Variants in PDE10A observed in about 807,000 individuals in gnomAD.
PDE10A encodes phosphodiesterase 10A.
PDE10A carries 39 observed loss-of-function variants against 97.7 expected under a neutral mutation model. The ratio of observed to expected loss-of-function variants is 0.40; its 90% confidence interval spans 0.31 to 0.52. PDE10A has a LOEUF of 0.52. Ranked by LOEUF, PDE10A falls within the 20% of genes least tolerant of loss-of-function variation. The pLI is 0.56. For missense variants in PDE10A, 731 were observed against 1,047.8 expected (o/e 0.70, Z 4.17); for synonymous variants, 371 against 376.8 (o/e 0.98, Z 0.18).
At chr6:165,409,069 G>C (rs1240789577) in intron 13 of PDE10A, among the ~76,000 whole-genome samples, 3 of 150,004 alleles carry the variant, frequency 2.0e-5, no homozygotes, top group Non-Finnish European at 4.4e-5. Context: ...GGAGGCTGAG[G>C]CAGGAGAATG....
intron 2 of PDE10A, among the ~76,000 whole-genome samples, chr6:165,542,839 C>G (rs980214448): frequency 6.6e-6 from 1 of 151,752 alleles, no homozygotes; most frequent in Admixed American, 6.6e-5. Context: ...AGGATGGTCT[C>G]GATCTCCTGA....
intron 1 of PDE10A, among the ~76,000 whole-genome samples, chr6:165,944,030 A>G (rs746162257): frequency 9.2e-5 from 14 of 152,256 alleles, no homozygotes; most frequent in Non-Finnish European, 1.3e-4. Context: ...ACAGTTCTGC[A>G]TGGTTGAGGA....
At chr6:165,929,245 G>T (rs1236172607) in intron 1 of PDE10A, among the ~76,000 whole-genome samples, 1 of 152,184 alleles carries the variant, frequency 6.6e-6, no homozygotes, top group African/African-American at 2.4e-5. Context: ...TGTAAAGCAC[G>T]CAGGAGTCCT....
At chr6:165,974,987 C>T (rs538833631) in intron 1 of PDE10A, among the ~76,000 whole-genome samples, 15 of 152,276 alleles carry the variant, frequency 9.9e-5, no homozygotes, top group African/African-American at 3.4e-4. Flanking sequence ...TCTTTCCTGG[C>T]TGCGCAGGGA....
chr6:165,671,212 T>C lies in PDE10A; in HGVS notation c.-614-127644A>G, dbSNP rs964796523. Among the ~76,000 whole-genome samples, 5 of 152,214 alleles carry C rather than the reference T, an allele frequency of 3.3e-5. No individual in the cohort carries two copies. Among genetic ancestry groups the C allele is most frequent in the Non-Finnish European group, 7.3e-5 (5 of 68,040 alleles). ...CAAAGTCTACTTGTTTTTGTAAATG[T>C]CATCTGGTGATAGGCTAGAGTGAAA... On this transcript the variant is annotated intron_variant, in intron 1 of 19. Coordinates refer to the PDE10A transcript ENST00000366882. This position sits in a 1 kb window ranked among gnomAD's most constrained non-coding sequence, Gnocchi z 4.6.
chr6:165,899,150 G>A (rs1166154597), intron 1 of PDE10A, among the ~76,000 whole-genome samples: 2 of 152,186 alleles, frequency 1.3e-5, no homozygotes, highest in African/African-American at 2.4e-5. Context: ...TTTGTGGTAC[G>A]AATGCAAGCA....
At chr6:165,585,897 C>G (rs982012389) in intron 1 of PDE10A, among the ~76,000 whole-genome samples, 10 of 152,166 alleles carry the variant, frequency 6.6e-5, no homozygotes, top group Non-Finnish European at 1.3e-4. Context: ...CAACATCCCC[C>G]CCTTGCGCTA....
At chr6:165,678,151 GTCTC>G (rs1421164779) in intron 1 of PDE10A, among the ~76,000 whole-genome samples, 4 of 3,856 alleles carry the variant, frequency 1.0e-3, no homozygotes, top group Admixed American at 4.2e-3. Context: ...GTATGTGTGT[GTCTC>G]TCTGTGTGTA....
At chr6:165,633,822 G>A (rs1313129149) in intron 1 of PDE10A, among the ~76,000 whole-genome samples, 1 of 150,988 alleles carries the variant, frequency 6.6e-6, no homozygotes, top group African/African-American at 2.4e-5. Context: ...TTTTTATAGA[G>A]ATGAGGTTTC....
chr6:165,582,757 T>C (rs936076072), intron 1 of PDE10A, among the ~76,000 whole-genome samples: 12 of 152,170 alleles, frequency 7.9e-5, no homozygotes, highest in Admixed American at 6.5e-5. Context: ...GATGACTCTC[T>C]ATTTACGAAC....
intron 1 of PDE10A, among the ~76,000 whole-genome samples, chr6:165,594,288 A>T (rs1485238234): frequency 6.6e-6 from 1 of 152,230 alleles, no homozygotes; most frequent in Non-Finnish European, 1.5e-5. Context: ...CAAGAGAGCA[A>T]GTGTTTCTGA....
chr6:165,977,716 A>T (rs1294004515), intron 1 of PDE10A, among the ~76,000 whole-genome samples: 1 of 152,246 alleles, frequency 6.6e-6, no homozygotes, highest in African/African-American at 2.4e-5. Flanking sequence ...TAAACAAATT[A>T]TTAAAATAAA....
At chr6:165,518,396 G>A (rs933596218) in intron 2 of PDE10A, among the ~76,000 whole-genome samples, 1 of 152,138 alleles carries the variant, frequency 6.6e-6, no homozygotes, top group African/African-American at 2.4e-5. Context: ...ATTCCGAGTA[G>A]TTATGATGAA....
intron 15 of PDE10A, among the ~76,000 whole-genome samples, chr6:165,394,060 TTTATTA>T (rs71026685): frequency 0.24 from 35,486 of 150,788 alleles, 4,642 homozygotes; most frequent in African/African-American, 0.35. Flanking sequence ...GTTCTAAACA[TTTATTA>T]TTATTATTAT....
chr6:165,961,258 T>A (rs1434005577), intron 1 of PDE10A, among the ~76,000 whole-genome samples: 1 of 152,166 alleles, frequency 6.6e-6, no homozygotes, highest in African/African-American at 2.4e-5. Context: ...TGTCACTACA[T>A]AGCATGATGG....
intron 1 of PDE10A, among the ~76,000 whole-genome samples, chr6:165,749,289 A>ATCTATGACCTATTT (rs1792925165): frequency 1.6e-5 from 1 of 63,802 alleles, no homozygotes; most frequent in Admixed American, 1.5e-4. Context: ...TACCATCATC[A>ATCTATGACCTATTT]CCATCACCAT....
intron 1 of PDE10A, among the ~76,000 whole-genome samples, chr6:165,847,529 C>T (rs893032503): frequency 2.6e-5 from 4 of 152,264 alleles, no homozygotes; most frequent in Non-Finnish European, 2.9e-5. Flanking sequence ...AAGCATGTAC[C>T]GAACATGCAG....
At position 165,961,068 on chromosome 6, in the gene PDE10A, C is replaced by T. The variant is rs143347491; in HGVS notation, c.-615+26461G>A. On this transcript the variant is annotated intron_variant, in intron 1 of 19. Transcript: ENST00000366882. ...GCCAGGAGCATAGGGTCACTGACCC[C>T]CTCTCAGCCTGTCGATCTCCAGTCC... Among the ~76,000 whole-genome samples the T allele has an allele frequency of 1.5e-3, 231 of 152,180 alleles. 1 individual carries two copies. Among genetic ancestry groups the T allele is most frequent in the African/African-American group, 5.2e-3 (215 of 41,516 alleles).
At position 165,662,368 on chromosome 6, in the gene PDE10A, T is replaced by C. The variant is rs558806804; in HGVS notation, c.444A>G (p.Ala148=). The change falls in exon 1 of 22, where the codon GCA becomes GCG. Residue 148 remains alanine (A), a synonymous_variant. Coordinates refer to ENST00000539869, the MANE Select transcript of PDE10A (RefSeq NM_001385079.1). ...LPVRLPGREG[A]AAAAAAGGGG... ...CTCCTCCCGCCGCCGCCGCCGCCGC[T>C]GCGCCCTCCCTTCCTGGGAGACGCA... The C allele has an allele frequency of 0.013, 2,062 of 156,236 alleles. 53 individuals carry two copies. Among genetic ancestry groups the C allele is most frequent in the African/African-American group, 0.05 (1,949 of 39,040 alleles). 9.7% of individuals were successfully genotyped at this position (156,236 alleles called of 1,614,324 possible). A position where few individuals can be genotyped will look rare whatever the true frequency, so the allele number is the denominator to read the frequency against.
Sources: gnomAD v4.1 joint callset for allele counts (sites outside exome capture counted in the v4.1 genomes callset) on GRCh38, gnomAD v4.1.1 for gene constraint, Gnocchi (gnomAD v3.1) non-coding constraint, MANE v1.5 for transcripts, NCBI Gene and HGNC (gene_info 2026-07-23, HGNC 2026-07-21) for gene names.